Variants in CLEC4F observed in about 807,000 individuals in gnomAD.
The protein encoded by CLEC4F is C-type lectin domain family 4 member F, also known as C-type (calcium dependent, carbohydrate-recognition domain) lectin, superfamily member 13.
Under a neutral mutation model 53.4 loss-of-function variants are expected in CLEC4F, and 45 were observed. That is an observed-to-expected ratio of 0.84 (90% CI 0.66 to 1.08). The LOEUF (loss-of-function observed/expected upper bound fraction) is 1.08. CLEC4F is among the 50% of genes least tolerant of loss of function. The probability of loss-of-function intolerance (pLI) is 0.00; values close to 1 mark genes in which losing one functional copy is unlikely to be tolerated. For synonymous variants in CLEC4F, 245 were observed against 257.5 expected (o/e 0.95, Z 0.46); for missense variants, 753 against 698.2 (o/e 1.08, Z -0.88).
intron 5 of CLEC4F, chr2:70,811,433 C>T (rs17656058): frequency 0.25 from 151,896 of 597,154 alleles, 21,814 homozygotes; most frequent in Middle Eastern, 0.33. Context: ...TGGTGCCCTG[C>T]CTGTTCTGCC....
At chr2:70,811,946 C>T (rs1253187697) in intron 5 of CLEC4F, among the ~76,000 whole-genome samples, 3 of 152,256 alleles carry the variant, frequency 2.0e-5, no homozygotes, top group East Asian at 1.9e-4. Flanking sequence ...GACATGGTGT[C>T]GTGCATCTGT....
chr2:70,819,453 T>C lies in CLEC4F; in HGVS notation c.179-9A>G. On this transcript the variant is annotated splice_polypyrimidine_tract_variant and intron_variant, in intron 2 of 6. Transcript: ENST00000272367. ...TCTTGTCTGCTGTTGAACTGAGACATTCCATTTTTCCAGGTCAGCAAATCC... is the reference window on the plus strand; with the variant it reads ...TCTTGTCTGCTGTTGAACTGAGACACTCCATTTTTCCAGGTCAGCAAATCC... 6 of 1,613,088 alleles carry C rather than the reference T, an allele frequency of 3.7e-6. No individual in the cohort carries two copies. Among genetic ancestry groups the C allele is most frequent in the Non-Finnish European group, 5.1e-6 (6 of 1,179,098 alleles).
intron 1 of CLEC4F, among the ~76,000 whole-genome samples, chr2:70,820,175 G>A (rs1269190029): frequency 2.6e-5 from 4 of 152,162 alleles, no homozygotes; most frequent in African/African-American, 7.2e-5. Flanking sequence ...TGGTGCACAG[G>A]GCACAGAACC....
rs1457690265 is a variant in CLEC4F, at chr2:70,819,547, G to A, written c.179-103C>T. On this transcript the variant is annotated intron_variant, in intron 2 of 6. Transcript: ENST00000272367. Reference sequence around the variant, plus strand: ...GAGTTCCAGAACCGGGGAGATAGCAGCAAAGACCCTCCCAGGGTTTCCCTC... The same window carrying A: ...GAGTTCCAGAACCGGGGAGATAGCAACAAAGACCCTCCCAGGGTTTCCCTC... 1.1e-5 allele frequency: 12 copies of A among 1,120,282 alleles called. No homozygotes were observed. The East Asian group carries it at 2.8e-4, about 27-fold the overall frequency. 69.4% of individuals were successfully genotyped at this position (1,120,282 alleles called of 1,614,324 possible). A position where few individuals can be genotyped will look rare whatever the true frequency, so the allele number is the denominator to read the frequency against.
chr2:70,817,303 A>C (rs148607338), intron 3 of CLEC4F, among the ~76,000 whole-genome samples, 191 bp from the exon 4 acceptor site: 41 of 152,340 alleles, frequency 2.7e-4, no homozygotes, highest in African/African-American at 9.4e-4. Context: ...AATGTGGGCC[A>C]AGAAACAAAG....
Position 70,816,567 on chromosome 2 carries a change from G to A in CLEC4F, c.814C>T (p.Gln272Ter), listed in dbSNP as rs1553396055. ...DSVNDLRTQNQVLRNSLEGAN... is the reference protein window; with the variant it reads ...DSVNDLRTQN ...CCTTCCAAACTATTTCTTAAAACCT[G>A]GTTCTGGGTCCTCAAGTCATTGACA... Residue 272 changes from glutamine (Q) to a stop codon, truncating the protein, a stop_gained, in exon 4 of 7, where the codon CAG becomes TAG. Transcript: ENST00000272367. LOFTEE classifies it high-confidence loss of function. 2 of 1,613,906 alleles carry A rather than the reference G, an allele frequency of 1.2e-6. No homozygotes were observed. Among genetic ancestry groups the A allele is most frequent in the Admixed American group, 1.7e-5 (1 of 59,992 alleles).
chr2:70,812,561 G>A lies in CLEC4F; in HGVS notation c.1425C>T (p.Phe475=), dbSNP rs201125258. 1 of 1,614,186 alleles carries A rather than the reference G, an allele frequency of 6.2e-7. No homozygotes were observed. Among genetic ancestry groups the A allele is most frequent in the Non-Finnish European group, 8.5e-7 (1 of 1,180,028 alleles). ...LLQMVLQGWK[F]NGGSLYYFSS... ...AAAAATAATATAAGCTTCCACCATT[G>A]AACTTCCAGCCTTGCAGGACCATCT... Residue 475 remains phenylalanine (F), a synonymous_variant, in exon 5 of 7, where the codon TTC becomes TTT. Transcript: ENST00000272367.
chr2:70,819,670 C>A, intron 2 of CLEC4F, 105 bp downstream of exon 2: 1 of 899,296 alleles, frequency 1.1e-6, no homozygotes, highest in Non-Finnish European at 1.8e-6. Context: ...GTGGAATGAT[C>A]TTTCTGGGAG....
chr2:70,809,466 C>G, intron 6 of CLEC4F, 84 bp from the exon 7 acceptor site: 1 of 1,440,472 alleles, frequency 6.9e-7, no homozygotes, highest in South Asian at 1.4e-5. Flanking sequence ...CCTAATGACC[C>G]TCTGTGGAGG....
intron 3 of CLEC4F, among the ~76,000 whole-genome samples, chr2:70,817,996 C>T (rs1553396835): frequency 6.6e-6 from 1 of 152,210 alleles, no homozygotes; most frequent in African/African-American, 2.4e-5. Context: ...TTGTTCACCT[C>T]ATGAACTAGG....
chr2:70,812,613 G>A lies in CLEC4F; in HGVS notation c.1388-15C>T. The A allele has an allele frequency of 6.2e-7, 1 of 1,612,946 alleles. No homozygotes were observed. The highest frequency in any genetic ancestry group is 8.5e-7 in the Non-Finnish European group (1 of 1,179,706). On this transcript the variant is annotated splice_polypyrimidine_tract_variant and intron_variant, in intron 4 of 6. Transcript: ENST00000272367. ...GAGAAGCTGACCTGGAGCAAAGATT[G>A]GGGAGAAAAGAGAACCAGGAGCTGC... is the stretch of plus-strand genomic sequence containing the variant.
intron 1 of CLEC4F, 69 bp from the exon 2 acceptor site, chr2:70,819,960 G>A (rs1255269817): frequency 9.9e-7 from 1 of 1,006,876 alleles, no homozygotes; most frequent in Non-Finnish European, 1.5e-6. Flanking sequence ...TGTGCAGGCT[G>A]AGACACAGCC....
At chr2:70,811,772 G>C (rs903825059) in intron 5 of CLEC4F, among the ~76,000 whole-genome samples, 3 of 152,074 alleles carry the variant, frequency 2.0e-5, no homozygotes, top group African/African-American at 7.2e-5. Context: ...ACAGCAGCTG[G>C]ATTAACTGAC....
Position 70,809,165 on chromosome 2 carries a change from G to T in CLEC4F, c.*106C>A, listed in dbSNP as rs1553393428. On this transcript the variant is annotated 3_prime_UTR_variant, in exon 7 of 7. Transcript: ENST00000272367. ...CTCCTAGGGAGCTGACATGGGATGA[G>T]TCTAGGGAGCTGACTTGAGATGGGT... 1 of 1,555,406 alleles carries T rather than the reference G, an allele frequency of 6.4e-7. No individual in the cohort carries two copies. The highest frequency in any genetic ancestry group is 1.2e-5 in the South Asian group (1 of 84,412).
At chr2:70,811,674 G>A (rs782459209) in intron 5 of CLEC4F, among the ~76,000 whole-genome samples, 2 of 152,138 alleles carry the variant, frequency 1.3e-5, no homozygotes. Context: ...GAGCCACCTG[G>A]GACGGTATTG....
At chr2:70,819,533 C>T in intron 2 of CLEC4F, 89 bp from the exon 3 acceptor site, 2 of 1,270,040 alleles carry the variant, frequency 1.6e-6, no homozygotes, top group Non-Finnish European at 2.3e-6. Flanking sequence ...AGTTCCAGAA[C>T]CGGGGAGATA....
At chr2:70,813,627 CTT>C in intron 4 of CLEC4F, among the ~76,000 whole-genome samples, 1 of 117,254 alleles carries the variant, frequency 8.5e-6, no homozygotes, top group African/African-American at 3.3e-5. Context: ...TTCTTTCTTT[CTT>C]TCTTTCTTTC....
chr2:70,814,702 A>G (rs1676797474), intron 4 of CLEC4F, among the ~76,000 whole-genome samples: 1 of 152,132 alleles, frequency 6.6e-6, no homozygotes, highest in Admixed American at 6.6e-5. Flanking sequence ...TGTAACAGAG[A>G]TCGTACAGCC....
chr2:70,810,807 A>T, intron 5 of CLEC4F: 1 of 522,830 alleles, frequency 1.9e-6, no homozygotes, highest in Non-Finnish European at 3.7e-6. Context: ...TTCATGCTTC[A>T]CTTTCCCCAG....
Sources: gnomAD v4.1 joint callset for allele counts (sites outside exome capture counted in the v4.1 genomes callset) on GRCh38, gnomAD v4.1.1 for gene constraint, MANE v1.5 for transcripts, NCBI Gene and HGNC (gene_info 2026-07-23, HGNC 2026-07-21) for gene names.